MBD5: variants seen among roughly 807,000 people sequenced by gnomAD.
MBD5 encodes the protein methyl-CpG binding domain protein 5.
MBD5 carries 13 observed loss-of-function variants against 117.3 expected under a neutral mutation model. The observed-to-expected ratio is 0.11, with a 90% CI of 0.07 to 0.18. The LOEUF is 0.18. Ranked by LOEUF, MBD5 falls within the 10% of genes least tolerant of loss-of-function variation. MBD5 has a pLI of 1.00. For missense variants in MBD5, 1,879 were observed against 2,093.8 expected (o/e 0.90, Z 2.00); for synonymous variants, 727 against 766.4 (o/e 0.95, Z 0.85).
chr2:148,442,148 G>A (rs929507265), intron 4 of MBD5, among the ~76,000 whole-genome samples: 1 of 151,566 alleles, frequency 6.6e-6, no homozygotes, highest in African/African-American at 2.4e-5. Context: ...TGTTGCCATT[G>A]CTTTTGGTGT....
intron 1 of MBD5, among the ~76,000 whole-genome samples, chr2:148,078,492 A>G (rs115821905): frequency 0.015 from 2,332 of 152,282 alleles, 30 homozygotes; most frequent in Middle Eastern, 0.044. Flanking sequence ...TCTCCTGGCT[A>G]TTGACTGTTA....
chr2:148,353,341 A>C (rs1703291513), intron 4 of MBD5, among the ~76,000 whole-genome samples: 1 of 152,124 alleles, frequency 6.6e-6, no homozygotes, highest in Admixed American at 6.6e-5. Context: ...GCATGGTTAA[A>C]ATAAATGGTC....
At chr2:148,064,189 G>C (rs933447957) in intron 1 of MBD5, among the ~76,000 whole-genome samples, 1 of 142,724 alleles carries the variant, frequency 7.0e-6, no homozygotes, top group Non-Finnish European at 1.5e-5. Context: ...GCAGTGGCGC[G>C]ATCTCAGCTC....
intron 11 of MBD5, among the ~76,000 whole-genome samples, chr2:148,499,990 T>C (rs1170807961): frequency 2.6e-5 from 4 of 152,212 alleles, no homozygotes; most frequent in Admixed American, 6.5e-5. Context: ...ATATATATCT[T>C]ACTTACATTT....
chr2:148,053,158 T>A (rs1299021711), intron 1 of MBD5, among the ~76,000 whole-genome samples: 1 of 152,164 alleles, frequency 6.6e-6, no homozygotes, highest in Non-Finnish European at 1.5e-5. Context: ...CTATTTCTCC[T>A]GCAATTCTGT....
chr2:148,474,326 C>A (rs151172391), intron 8 of MBD5, among the ~76,000 whole-genome samples: 1 of 152,156 alleles, frequency 6.6e-6, no homozygotes, highest in African/African-American at 2.4e-5. Context: ...AGGACTTAGC[C>A]CTGTTAGTAT....
chr2:148,483,733 A>G lies in MBD5; in HGVS notation c.3142A>G (p.Thr1048Ala). 6.4e-7 allele frequency: 1 copy of G among 1,550,524 alleles called. No homozygotes were observed. Among genetic ancestry groups the G allele is most frequent in the Non-Finnish European group, 8.7e-7 (1 of 1,146,962 alleles). ...TCAGTCAGACAACAGCCGAGCTGAG[A>G]CCCTTTTAACCAGCCCCCTGGGGAA... ...SNQSDNSRAETLLTSPLGNPL... is the reference protein window; with the variant it reads ...SNQSDNSRAEALLTSPLGNPL... The change falls in exon 9 of 14, where the codon ACC becomes GCC. Residue 1048 changes from threonine to alanine, a missense_variant. Physicochemically the swap from Thr to Ala is moderately conservative, Grantham distance 58. Around this residue, in one of 4 missense-constraint regions of MBD5, gnomAD observed 1,666 missense variants for 1,792.2 expected, o/e 0.93. Transcript: ENST00000642680.
intron 1 of MBD5, among the ~76,000 whole-genome samples, chr2:148,168,978 AATAT>A (rs200077401): frequency 6.8e-6 from 1 of 147,414 alleles, no homozygotes; most frequent in African/African-American, 2.5e-5. Context: ...ATATACGTAT[AATAT>A]ATATATATAT....
intron 4 of MBD5, among the ~76,000 whole-genome samples, chr2:148,396,532 T>C (rs1704720084): frequency 6.6e-6 from 1 of 152,198 alleles, no homozygotes; most frequent in African/African-American, 2.4e-5. Flanking sequence ...TTTTATTCTG[T>C]GTACTCTCCA....
chr2:148,200,915 A>C lies in MBD5; in HGVS notation c.-831+22122A>C, dbSNP rs1699124391. 2.0e-5 allele frequency among the ~76,000 whole-genome samples: 3 copies of C among 152,186 alleles called. No individual in the cohort carries two copies. In the South Asian group the frequency reaches 6.2e-4, roughly 31 times the overall value. On this transcript the variant is annotated intron_variant, in intron 2 of 13. Coordinates refer to ENST00000642680, the MANE Select transcript of MBD5 (RefSeq NM_001378120.1). ...AAAAGCTGCTTTAAAACTTTTTTTAAAATTCATCATTGGAAACATGATCCA... is the reference window on the plus strand; with the variant it reads ...AAAAGCTGCTTTAAAACTTTTTTTACAATTCATCATTGGAAACATGATCCA...
intron 2 of MBD5, among the ~76,000 whole-genome samples, chr2:148,204,718 A>G (rs1699233550): frequency 6.6e-6 from 1 of 152,202 alleles, no homozygotes; most frequent in Non-Finnish European, 1.5e-5. Flanking sequence ...TTTAGCCCAA[A>G]TGTCTTCAAG....
intron 3 of MBD5, among the ~76,000 whole-genome samples, chr2:148,280,743 T>C (rs1701228645): frequency 6.6e-6 from 1 of 152,238 alleles, no homozygotes; most frequent in African/African-American, 2.4e-5. Flanking sequence ...AGTTGTTTTC[T>C]TGCTGTGAAA....
intron 1 of MBD5, among the ~76,000 whole-genome samples, chr2:148,117,494 T>G (rs1209993255): frequency 6.6e-6 from 1 of 152,216 alleles, no homozygotes; most frequent in East Asian, 1.9e-4. Flanking sequence ...CTGCTAGATC[T>G]TGCATAGATA....
chr2:148,140,616 A>G (rs1697289901), intron 1 of MBD5, among the ~76,000 whole-genome samples: 1 of 152,186 alleles, frequency 6.6e-6, no homozygotes, highest in Admixed American at 6.5e-5. Flanking sequence ...AGCTATCTAA[A>G]ACTTGAATTT....
intron 4 of MBD5, among the ~76,000 whole-genome samples, chr2:148,419,707 T>C (rs537766382): frequency 2.0e-5 from 3 of 152,252 alleles, no homozygotes; most frequent in African/African-American, 7.2e-5. Flanking sequence ...TTTTATATGT[T>C]AGTATTATAT....
intron 4 of MBD5, among the ~76,000 whole-genome samples, chr2:148,408,477 C>G (rs918480934): frequency 3.3e-5 from 5 of 152,062 alleles, no homozygotes; most frequent in Admixed American, 2.6e-4. Flanking sequence ...TAATTTTAAG[C>G]ATTTTGTGTC....
chr2:148,355,586 T>C (rs1464710623), intron 4 of MBD5, among the ~76,000 whole-genome samples: 2 of 152,100 alleles, frequency 1.3e-5, no homozygotes, highest in East Asian at 1.9e-4. Context: ...GATCTGATGG[T>C]TGTAGATGTG....
At chr2:148,326,963 A>G (rs1367468678) in intron 3 of MBD5, among the ~76,000 whole-genome samples, 2 of 151,546 alleles carry the variant, frequency 1.3e-5, no homozygotes, top group Non-Finnish European at 2.9e-5. Flanking sequence ...ATGATTTTGC[A>G]GCGGCTGGTA....
At chr2:148,467,621 A>G (rs1470404806) in intron 7 of MBD5, among the ~76,000 whole-genome samples, 3 of 152,196 alleles carry the variant, frequency 2.0e-5, no homozygotes, top group Non-Finnish European at 2.9e-5. Flanking sequence ...AATTAAGGGC[A>G]AAGAAATTAC....
Sources: allele counts gnomAD v4.1 joint callset (sites outside exome capture counted in the v4.1 genomes callset), GRCh38; gene constraint gnomAD v4.1.1; regional missense constraint gnomAD v4.1.1; transcripts MANE v1.5; gene names NCBI Gene and HGNC (gene_info 2026-07-23, HGNC 2026-07-21).